Variants in RBFOX1 observed in about 807,000 individuals in gnomAD.
RBFOX1 encodes the protein RNA binding fox-1 homolog 1, also known as RNA binding protein fox-1 homolog 1.
A neutral mutation model predicts 57.7 loss-of-function variants in RBFOX1; 8 were observed. The ratio of observed to expected loss-of-function variants is 0.14; its 90% CI spans 0.08 to 0.25. The LOEUF (loss-of-function observed/expected upper bound fraction) is 0.25. RBFOX1 is among the 10% of genes least tolerant of loss of function. The pLI, the probability that RBFOX1 is intolerant of heterozygous loss-of-function variation, is 1.00. For synonymous variants in RBFOX1, 326 were observed against 222.4 expected, an observed-to-expected ratio of 1.47 and a Z score of -4.15; for missense variants, 611 against 548.5, an observed-to-expected ratio of 1.11 and a Z score of -1.14.
At chr16:6,757,015 A>C (rs145693239) in intron 3 of RBFOX1, among the ~76,000 whole-genome samples, 8 of 118,874 alleles carry the variant, frequency 6.7e-5, no homozygotes, top group Middle Eastern at 4.1e-3. Context: ...AACAAACAAA[A>C]AACATACAAA....
rs1251382475 is a variant in RBFOX1, at chr16:5,772,324, G to A, written c.319-94979G>A. ...TCCCTCCATGTAGAGTCTGTACGCCGCCTCTCCTAACATCTTCCCATGTGC... is the reference window on the plus strand; with the variant it reads ...TCCCTCCATGTAGAGTCTGTACGCCACCTCTCCTAACATCTTCCCATGTGC... On this transcript the variant is annotated intron_variant, in intron 3 of 19. Coordinates refer to the RBFOX1 transcript ENST00000641259. Among the ~76,000 whole-genome samples the A allele has an allele frequency of 4.6e-5, 7 of 151,792 alleles. No homozygotes were observed. The South Asian group carries it at 1.3e-3, about 27-fold the overall frequency.
chr16:5,258,183 A>T lies in RBFOX1; in HGVS notation c.219+18078A>T, dbSNP rs536520768. On this transcript the variant is annotated intron_variant, in intron 1 of 2. Coordinates refer to the RBFOX1 transcript ENST00000585867. The stretch of plus-strand genomic sequence containing the variant: ...AGGCATGAGCTGCTGTGCCTGGCCA[A>T]GGTTTTTTATTATTATTATTATGAA... Among the ~76,000 whole-genome samples the T allele has an allele frequency of 1.8e-3, 279 of 152,230 alleles. 5 individuals carry two copies. In the South Asian group the frequency reaches 0.026, roughly 14 times the overall value.
At chr16:5,772,513 G>C (rs939050308) in intron 3 of RBFOX1, among the ~76,000 whole-genome samples, 4 of 152,116 alleles carry the variant, frequency 2.6e-5, no homozygotes, top group African/African-American at 9.7e-5. Context: ...CCAATTATAT[G>C]ACCATAAACC....
At chr16:5,661,731 C>A (rs1056712356) in intron 3 of RBFOX1, among the ~76,000 whole-genome samples, 1 of 152,172 alleles carries the variant, frequency 6.6e-6, no homozygotes, top group African/African-American at 2.4e-5. Flanking sequence ...TAAGGAAACA[C>A]AACAGCATTT....
chr16:7,703,596 A>C (rs1165838873), intron 14 of RBFOX1, among the ~76,000 whole-genome samples: 2 of 152,176 alleles, frequency 1.3e-5, no homozygotes, highest in Non-Finnish European at 2.9e-5. Context: ...ATTATGTTAA[A>C]ACCCTGGTGT....
At chr16:5,839,732 T>G (rs1345973711) in intron 3 of RBFOX1, among the ~76,000 whole-genome samples, 1 of 54,374 alleles carries the variant, frequency 1.8e-5, no homozygotes, top group Non-Finnish European at 4.8e-5. Context: ...ATGGCTGCCA[T>G]TGCTCCAGGC....
At chr16:7,093,884 A>T (rs767815638) in intron 4 of RBFOX1, among the ~76,000 whole-genome samples, 10 of 151,876 alleles carry the variant, frequency 6.6e-5, no homozygotes, top group African/African-American at 1.2e-4. Flanking sequence ...ATGACACAAA[A>T]CTCATTGAAT....
At chr16:7,658,542 C>G (rs1297453856) in intron 12 of RBFOX1, among the ~76,000 whole-genome samples, 1 of 152,086 alleles carries the variant, frequency 6.6e-6, no homozygotes, top group African/African-American at 2.4e-5. Context: ...AGCTCACAAG[C>G]TGATTATCTG....
intron 1 of RBFOX1, among the ~76,000 whole-genome samples, chr16:5,266,548 GTT>G (rs3035524): frequency 7.8e-6 from 1 of 128,028 alleles, no homozygotes; most frequent in Non-Finnish European, 1.6e-5. Flanking sequence ...GAAATGTTCA[GTT>G]TTTTTTTTTT....
intron 3 of RBFOX1, among the ~76,000 whole-genome samples, chr16:6,981,163 T>G: frequency 6.6e-6 from 1 of 152,016 alleles, no homozygotes; most frequent in East Asian, 1.9e-4. Flanking sequence ...GCAGGTTTGT[T>G]GCACAGATAA....
intron 3 of RBFOX1, chr16:6,775,967 C>T (rs2079261035): frequency 6.6e-6 from 1 of 152,172 alleles, no homozygotes; most frequent in Non-Finnish European, 1.5e-5. Context: ...TGTTCACAGG[C>T]ATATCGATTC....
At chr16:6,193,385 ATATATAC>A (rs1567650907) in intron 1 of RBFOX1, among the ~76,000 whole-genome samples, 6 of 46,874 alleles carry the variant, frequency 1.3e-4, no homozygotes, top group African/African-American at 3.6e-4. Context: ...TACATTATAT[ATATATAC>A]TATATATATA....
chr16:6,305,496 A>T (rs1018413035), intron 1 of RBFOX1, among the ~76,000 whole-genome samples: 6 of 151,916 alleles, frequency 3.9e-5, no homozygotes, highest in African/African-American at 1.2e-4. Context: ...ATATGTCTTT[A>T]TCAGTCCCAG....
At chr16:6,496,875 G>A (rs576125716) in intron 2 of RBFOX1, among the ~76,000 whole-genome samples, 43 of 152,094 alleles carry the variant, frequency 2.8e-4, no homozygotes, top group Non-Finnish European at 6.2e-4. Context: ...CAGGAGAGTC[G>A]CTTGAACCCA....
intron 14 of RBFOX1, among the ~76,000 whole-genome samples, chr16:7,689,265 C>T (rs1322613971): frequency 2.0e-5 from 3 of 152,110 alleles, no homozygotes; most frequent in African/African-American, 4.8e-5. Flanking sequence ...ATTTTTCATA[C>T]ATTGGTAATC....
At position 5,512,286 on chromosome 16, in the gene RBFOX1, A is replaced by G. The variant is rs55740407; in HGVS notation, c.258+45032A>G. Among the ~76,000 whole-genome samples the G allele has an allele frequency of 5.6e-3, 851 of 152,270 alleles. 5 individuals carry two copies. Among genetic ancestry groups the G allele is most frequent in the African/African-American group, 0.018 (746 of 41,562 alleles). Reference sequence around the variant, plus strand: ...AGACAAAAGGCACTGGAGGTGGCCAATTTCATCAAATAGCGGAAGACCAGC... The same window carrying G: ...AGACAAAAGGCACTGGAGGTGGCCAGTTTCATCAAATAGCGGAAGACCAGC... On this transcript the variant is annotated intron_variant, in intron 2 of 2. Coordinates refer to the RBFOX1 transcript ENST00000585867.
intron 4 of RBFOX1, among the ~76,000 whole-genome samples, chr16:7,422,299 C>A (rs1568806011): frequency 6.6e-6 from 1 of 152,092 alleles, no homozygotes; most frequent in Non-Finnish European, 1.5e-5. Context: ...GGCGTCTATA[C>A]CATGCCACCC....
At chr16:6,927,414 C>CAAAAAAAA (rs1194663760) in intron 3 of RBFOX1, among the ~76,000 whole-genome samples, 787 of 53,096 alleles carry the variant, frequency 0.015, 103 homozygotes, top group African/African-American at 0.023. Flanking sequence ...CGCTTTCTCA[C>CAAAAAAAA]AAAAAAAAAA....
chr16:7,597,417 A>C lies in RBFOX1; in HGVS notation c.608A>C (p.Asn203Thr). The change falls in exon 9 of 16, where the codon AAC becomes ACC. Residue 203 changes from asparagine (N) to threonine (T), a missense_variant. Coordinates refer to ENST00000550418, the MANE Select transcript of RBFOX1 (RefSeq NM_018723.4). ...ARVMTNKKTV[N>T]PYTNGWKLNP... Reference sequence around the variant, plus strand: ...GTAATGACAAATAAAAAGACCGTCAACCCTTATACAAATGGTAAGTAGAGA... The same window carrying C: ...GTAATGACAAATAAAAAGACCGTCACCCCTTATACAAATGGTAAGTAGAGA... The C allele has an allele frequency of 1.9e-6, 3 of 1,609,890 alleles. No individual in the cohort carries two copies. Among genetic ancestry groups the C allele is most frequent in the South Asian group, 1.1e-5 (1 of 90,764 alleles).
Sources: gnomAD v4.1 joint callset for allele counts (sites outside exome capture counted in the v4.1 genomes callset) on GRCh38, gnomAD v4.1.1 for gene constraint, MANE v1.5 for transcripts, NCBI Gene and HGNC (gene_info 2026-07-23, HGNC 2026-07-21) for gene names.